Variants in SOX6 observed in about 807,000 individuals in gnomAD.
SOX6 encodes the protein SRY-box transcription factor 6.
In SOX6, 11 loss-of-function variants were observed where a neutral mutation model predicts 97.8. The observed-to-expected ratio is 0.11, with a 90% CI of 0.07 to 0.19. The LOEUF is 0.19. SOX6 is among the 10% of genes least tolerant of loss of function. SOX6 has a pLI of 1.00. For missense variants in SOX6, 810 were observed against 1,039.5 expected (o/e 0.78, Z 3.04); for synonymous variants, 360 against 371.4 (o/e 0.97, Z 0.35).
chr11:15,984,174 T>C (rs957738114), intron 15 of SOX6, among the ~76,000 whole-genome samples: 1 of 152,222 alleles, frequency 6.6e-6, no homozygotes, highest in African/African-American at 2.4e-5. Context: ...CAATAAATAA[T>C]AGATGTTATT....
In SOX6 at chr11:16,542,304, G is replaced by C. The variant is rs191673147; in HGVS notation, n.610-65916C>G. Among the ~76,000 whole-genome samples the C allele has an allele frequency of 3.9e-3, 592 of 152,160 alleles. 3 individuals are homozygous for C. Among genetic ancestry groups the C allele is most frequent in the African/African-American group, 0.014 (573 of 41,514 alleles). On this transcript the variant is annotated intron_variant and non_coding_transcript_variant, in intron 4 of 5. Coordinates refer to the SOX6 transcript ENST00000524520. The stretch of plus-strand genomic sequence containing the variant: ...ACAGGGCAGGGAACATCACACACTG[G>C]GGCCTGTTGGGAATGGGGGGCTTGG...
intron 1 of SOX6, among the ~76,000 whole-genome samples, chr11:16,445,510 G>A (rs1227844500): frequency 2.0e-5 from 3 of 152,024 alleles, no homozygotes; most frequent in African/African-American, 4.8e-5. Flanking sequence ...AGAGCTATTG[G>A]GAAACATCTC....
At chr11:16,735,344 G>A (rs1321551003) in intron 2 of SOX6, among the ~76,000 whole-genome samples, 1 of 152,084 alleles carries the variant, frequency 6.6e-6, no homozygotes, top group Non-Finnish European at 1.5e-5. Context: ...TGCCCAAACT[G>A]TTTTTTCAAG....
chr11:16,296,909 G>A (rs542297095), intron 3 of SOX6, among the ~76,000 whole-genome samples: 1 of 152,022 alleles, frequency 6.6e-6, no homozygotes, highest in African/African-American at 2.4e-5. Context: ...AAAAAGAAAA[G>A]GCAGAGTAAA....
chr11:16,101,024 A>G (rs1848932531), intron 7 of SOX6, among the ~76,000 whole-genome samples: 1 of 151,720 alleles, frequency 6.6e-6, no homozygotes, highest in African/African-American at 2.4e-5. Flanking sequence ...ATCCCTAACT[A>G]ACTCAAAAAT....
chr11:16,125,009 C>T (rs1404614587), intron 6 of SOX6, among the ~76,000 whole-genome samples: 2 of 151,956 alleles, frequency 1.3e-5, no homozygotes, highest in African/African-American at 4.8e-5. Flanking sequence ...AAACATCTTG[C>T]AAGTAGAAGC....
At chr11:16,691,620 A>G (rs1848014137) in intron 3 of SOX6, among the ~76,000 whole-genome samples, 1 of 152,142 alleles carries the variant, frequency 6.6e-6, no homozygotes, top group Admixed American at 6.5e-5. Context: ...AACACAGCAA[A>G]ACCCCATCTC....
At chr11:16,545,949 C>T (rs1403759059) in intron 4 of SOX6, among the ~76,000 whole-genome samples, 1 of 151,960 alleles carries the variant, frequency 6.6e-6, no homozygotes, top group Non-Finnish European at 1.5e-5. Flanking sequence ...AGGACTTTGT[C>T]TATTTAAATA....
chr11:16,361,096 A>G (rs931652008), upstream of SOX6, among the ~76,000 whole-genome samples: 1 of 152,144 alleles, frequency 6.6e-6, no homozygotes, highest in Non-Finnish European at 1.5e-5. Context: ...TATATATTCA[A>G]TCCTTATAAA....
At position 16,186,755 on chromosome 11, in the gene SOX6, G is replaced by A. The variant is rs1275605644; in HGVS notation, c.708+28C>T. ...GAGCCTGGCACATTCCACATCTCCA[G>A]TTCGTCAGTGCCTTTTGCAGGGCTC... On this transcript the variant is annotated intron_variant, in intron 5 of 15. Transcript: ENST00000683767. 13 of 1,611,434 alleles carry A rather than the reference G, an allele frequency of 8.1e-6. No individual in the cohort carries two copies. In the East Asian group the frequency reaches 2.9e-4, roughly 36 times the overall value.
In SOX6 at chr11:16,649,164, G is replaced by T. The variant is rs144147291; in HGVS notation, n.430-36904C>A. On this transcript the variant is annotated intron_variant and non_coding_transcript_variant, in intron 3 of 5. Transcript: ENST00000524520. ...AAGAATAATTGGTATTCCTGGAGAA[G>T]AAAATAAATCTAGAAGTTTGGAAAA... Among the ~76,000 whole-genome samples the T allele has an allele frequency of 4.6e-5, 7 of 152,266 alleles. No individual in the cohort carries two copies. In the East Asian group the frequency reaches 7.7e-4, roughly 17 times the overall value.
intron 3 of SOX6, among the ~76,000 whole-genome samples, chr11:16,690,807 T>C (rs1269071137): frequency 6.6e-6 from 1 of 152,208 alleles, no homozygotes; most frequent in African/African-American, 2.4e-5. Flanking sequence ...TTAAATTGGT[T>C]GTTATATGTC....
chr11:16,116,365 G>A (rs952846438), intron 6 of SOX6, among the ~76,000 whole-genome samples: 2 of 152,138 alleles, frequency 1.3e-5, no homozygotes, highest in African/African-American at 4.8e-5. Context: ...GTGAGGTTAA[G>A]TAACATAACC....
At chr11:16,407,590 T>C (rs1268938602) in intron 1 of SOX6, among the ~76,000 whole-genome samples, 1 of 152,088 alleles carries the variant, frequency 6.6e-6, no homozygotes, top group African/African-American at 2.4e-5. Context: ...ATAGGAGTGA[T>C]TACCGGGCAG....
Position 16,449,571 on chromosome 11 carries a change from C to T in SOX6, c.-5+26744G>A, listed in dbSNP as rs1486388570. 5.3e-5 allele frequency among the ~76,000 whole-genome samples: 8 copies of T among 152,036 alleles called. 1 individual carries two copies. ...CCTCCCAAAGTGTTGGGATTACAGG[C>T]GTGAGCCACGGCGCCCGGCCGCCCC... On this transcript the variant is annotated intron_variant, in intron 1 of 15. Transcript: ENST00000396356.
At position 15,967,898 on chromosome 11, in the gene SOX6, G is replaced by A. The variant is rs966143510; in HGVS notation, c.*4911C>T. The A allele has an allele frequency of 3.3e-5, 2 of 61,316 alleles. No individual in the cohort carries two copies. The highest frequency in any genetic ancestry group is 1.2e-4 in the African/African-American group (2 of 16,272). 3.8% of individuals were successfully genotyped at this position (61,316 alleles called of 1,614,324 possible). On this transcript the variant is annotated 3_prime_UTR_variant, in exon 16 of 16. Coordinates refer to ENST00000683767, the MANE Select transcript of SOX6 (RefSeq NM_001367873.1). ...AGCATTACCTTTCTGCCCCCACCCC[G>A]CCCACCCTTACCTCTGCCCCAAAGG...
intron 9 of SOX6, among the ~76,000 whole-genome samples, chr11:16,067,485 C>T (rs566522552): frequency 6.6e-6 from 1 of 152,110 alleles, no homozygotes; most frequent in African/African-American, 2.4e-5. Context: ...TGCCTTTGCT[C>T]CTCCTTCACC....
At chr11:16,179,161 G>A (rs138398693) in intron 6 of SOX6, among the ~76,000 whole-genome samples, 108 of 151,870 alleles carry the variant, frequency 7.1e-4, no homozygotes, top group African/African-American at 2.5e-3. Context: ...TCATATTGAA[G>A]GAAACAAAAG....
At chr11:16,260,021 A>C (rs934557423) in intron 3 of SOX6, among the ~76,000 whole-genome samples, 5 of 151,752 alleles carry the variant, frequency 3.3e-5, no homozygotes, top group Non-Finnish European at 7.4e-5. Context: ...ATTTATTTTT[A>C]GACGGAGTCT....
Sources: gnomAD v4.1 joint callset for allele counts (sites outside exome capture counted in the v4.1 genomes callset) on GRCh38, gnomAD v4.1.1 for gene constraint, MANE v1.5 for transcripts, NCBI Gene and HGNC (gene_info 2026-07-23, HGNC 2026-07-21) for gene names.